TVP23B: variants seen among roughly 807,000 people sequenced by gnomAD.
The protein encoded by TVP23B is trans-golgi network vesicle protein 23 homolog B.
In TVP23B, 10 loss-of-function variants were observed where a neutral mutation model predicts 30.6. The ratio of observed to expected loss-of-function variants is 0.33; its 90% CI spans 0.20 to 0.55. The LOEUF is 0.55. Ranked by LOEUF, TVP23B falls within the 20% of genes least tolerant of loss-of-function variation. TVP23B has a pLI of 0.91. For synonymous variants in TVP23B, 67 were observed against 83.1 expected, an observed-to-expected ratio of 0.81 and a Z score of 1.06; for missense variants, 153 against 243.2, an observed-to-expected ratio of 0.63 and a Z score of 2.47.
chr17:18,787,904 T>C (rs548731399), intron 1 of TVP23B, among the ~76,000 whole-genome samples: 151 of 152,124 alleles, frequency 9.9e-4, no homozygotes, highest in African/African-American at 3.5e-3. Context: ...AGGATTGCTC[T>C]GGGTAATGTA....
At chr17:18,787,019 T>G (rs2035917826) in intron 1 of TVP23B, among the ~76,000 whole-genome samples, 1 of 148,960 alleles carries the variant, frequency 6.7e-6, no homozygotes, top group Admixed American at 6.7e-5. Context: ...TATCGTCTCC[T>G]TTGCTTATTT....
intron 5 of TVP23B, among the ~76,000 whole-genome samples, chr17:18,801,323 A>G (rs60490947): frequency 0.35 from 50,848 of 143,580 alleles, 8,919 homozygotes; most frequent in East Asian, 0.63. Flanking sequence ...TTCTTTTTTC[A>G]CTATAGTTTT....
chr17:18,789,417 C>G lies in TVP23B; in HGVS notation c.77C>G (p.Pro26Arg). Residue 26 changes from proline (P) to arginine (R), a missense_variant, in exon 2 of 7, where the codon CCA (proline) becomes CGA (arginine). Transcript: ENST00000307767. Reference protein sequence around the residue: ...FDAEEETTNRPRKAKIRHPVA... With the variant: ...FDAEEETTNRRRKAKIRHPVA... ...GCGGAAGAGGAGACGACTAATAGAC[C>G]AAGAAAAGCCAAAATCAGGTAGGAG... is the stretch of plus-strand genomic sequence containing the variant. 1 of 1,613,896 alleles carries G rather than the reference C, an allele frequency of 6.2e-7. No homozygotes were observed.
chr17:18,800,113 A>G (rs1306095143), intron 5 of TVP23B, among the ~76,000 whole-genome samples: 2 of 151,718 alleles, frequency 1.3e-5, no homozygotes, highest in Non-Finnish European at 2.9e-5. Flanking sequence ...TCCTACCTCT[A>G]GAGTTTTGCT....
At position 18,781,323 on chromosome 17, in the gene TVP23B, C is replaced by G. The variant is rs1455324109; in HGVS notation, c.12+18C>G. 38 of 1,577,882 alleles carry G rather than the reference C, an allele frequency of 2.4e-5. No individual in the cohort carries two copies. The highest frequency in any genetic ancestry group is 2.3e-4 in the Middle Eastern group (1 of 4,434). Reference sequence around the variant, plus strand: ...TGCAGCAGGTGAGGGGCTGAGGGCTCGCTGGGAGGGTGGCGGCTCCTGGGA... The same window carrying G: ...TGCAGCAGGTGAGGGGCTGAGGGCTGGCTGGGAGGGTGGCGGCTCCTGGGA... On this transcript the variant is annotated intron_variant, in intron 1 of 6. Transcript: ENST00000307767.
intron 5 of TVP23B, 72 bp downstream of exon 5, chr17:18,799,015 C>T: frequency 1.3e-6 from 2 of 1,530,938 alleles, no homozygotes; most frequent in Non-Finnish European, 1.8e-6. Context: ...GCAACAACTA[C>T]AACTGAGTCC....
rs1376618305 is a variant in TVP23B, at chr17:18,790,207, G to A, written c.96-689G>A. Among the ~76,000 whole-genome samples the A allele has an allele frequency of 3.9e-5, 6 of 152,336 alleles. No homozygotes were observed. In the East Asian group the frequency reaches 1.2e-3, roughly 29 times the overall value. ...AGGCTGGGCACGATGGCTCATGCCTGTAATCCCAGCACTTTGGGAGGCCGA... is the reference window on the plus strand; with the variant it reads ...AGGCTGGGCACGATGGCTCATGCCTATAATCCCAGCACTTTGGGAGGCCGA... On this transcript the variant is annotated intron_variant, in intron 2 of 6. Transcript: ENST00000307767.
rs1431958052 is a variant in TVP23B, at chr17:18,805,689, C to T, written c.*122C>T. ...TTGGCTTTGTTTTTCCACTTAAAAA[C>T]TTTATTTATAAAAAGGAAAAGTAGT... On this transcript the variant is annotated 3_prime_UTR_variant, in exon 7 of 7. Transcript: ENST00000307767. The T allele has an allele frequency of 2.0e-6, 3 of 1,493,158 alleles. No homozygotes were observed. Among genetic ancestry groups the T allele is most frequent in the East Asian group, 2.4e-5 (1 of 42,496 alleles). The allele number at this position is 1,493,158 out of a possible 1,614,324, so 92.5% of individuals were successfully genotyped here.
intron 1 of TVP23B, among the ~76,000 whole-genome samples, chr17:18,783,485 A>G (rs903026852): frequency 1.4e-4 from 21 of 152,254 alleles, no homozygotes; most frequent in African/African-American, 5.1e-4. Context: ...CTACATTTCC[A>G]TAGCCCCTTC....
chr17:18,790,442 C>T (rs776499421), intron 2 of TVP23B, among the ~76,000 whole-genome samples: 1 of 128,114 alleles, frequency 7.8e-6, no homozygotes, highest in African/African-American at 3.0e-5. Context: ...CCAGCCTGGG[C>T]GACGGAGCGA....
At chr17:18,783,538 G>A (rs1249799521) in intron 1 of TVP23B, among the ~76,000 whole-genome samples, 2 of 152,112 alleles carry the variant, frequency 1.3e-5, no homozygotes, top group Non-Finnish European at 2.9e-5. Context: ...AATCTTCAAC[G>A]TTTCTTCTCT....
intron 1 of TVP23B, among the ~76,000 whole-genome samples, chr17:18,787,428 TCTA>T (rs1346127435): frequency 2.7e-5 from 4 of 150,386 alleles, no homozygotes; most frequent in Admixed American, 2.7e-4. Flanking sequence ...AACCTTGTCT[TCTA>T]GGTCCTCCAG....
intron 5 of TVP23B, among the ~76,000 whole-genome samples, chr17:18,799,354 G>T (rs1380482641): frequency 1.3e-5 from 2 of 151,346 alleles, no homozygotes; most frequent in Non-Finnish European, 2.9e-5. Flanking sequence ...GAATGATGGG[G>T]GTTGTGAGCC....
At chr17:18,789,960 A>C (rs1303221201) in intron 2 of TVP23B, among the ~76,000 whole-genome samples, 1 of 152,332 alleles carries the variant, frequency 6.6e-6, no homozygotes, top group Middle Eastern at 3.4e-3. Context: ...GAGACAGAAG[A>C]TAGATTAGCT....
intron 5 of TVP23B, among the ~76,000 whole-genome samples, chr17:18,799,520 A>G (rs150346133): frequency 1.3e-5 from 2 of 152,154 alleles, no homozygotes; most frequent in Non-Finnish European, 2.9e-5. Flanking sequence ...AAGCTTTTAC[A>G]ATCTAGCTAA....
intron 6 of TVP23B, among the ~76,000 whole-genome samples, 194 bp from the exon 7 acceptor site, chr17:18,805,347 G>A (rs546305620): frequency 1.3e-5 from 2 of 152,198 alleles, no homozygotes; most frequent in South Asian, 4.1e-4. Flanking sequence ...GCCTCCCAAA[G>A]TGCTGGGATT....
chr17:18,786,049 C>T (rs2035900821), intron 1 of TVP23B, among the ~76,000 whole-genome samples: 1 of 152,144 alleles, frequency 6.6e-6, no homozygotes, highest in Non-Finnish European at 1.5e-5. Flanking sequence ...ATCCCTTCCC[C>T]ATCTTAATGC....
At chr17:18,801,038 A>G (rs1351751936) in intron 5 of TVP23B, among the ~76,000 whole-genome samples, 1 of 152,216 alleles carries the variant, frequency 6.6e-6, no homozygotes, top group Non-Finnish European at 1.5e-5. Flanking sequence ...AAAATACAAC[A>G]GGGGATGTTA....
intron 1 of TVP23B, among the ~76,000 whole-genome samples, chr17:18,787,906 G>A (rs1315598739): frequency 6.6e-6 from 1 of 152,042 alleles, no homozygotes; most frequent in Admixed American, 6.6e-5. Context: ...GATTGCTCTG[G>A]GTAATGTAAA....
Sources: allele counts gnomAD v4.1 joint callset (sites outside exome capture counted in the v4.1 genomes callset), GRCh38; gene constraint gnomAD v4.1.1; transcripts MANE v1.5; gene names NCBI Gene and HGNC (gene_info 2026-07-23, HGNC 2026-07-21).